LINGO2: variants seen among roughly 807,000 people sequenced by gnomAD.
LINGO2 encodes the protein leucine-rich repeat and immunoglobulin-like domain-containing nogo receptor-interacting protein 2.
LINGO2 carries 14 observed loss-of-function variants against 30.6 expected under a neutral mutation model. The ratio of observed to expected loss-of-function variants is 0.46; its 90% CI spans 0.30 to 0.72. LINGO2 has a LOEUF of 0.72. Ranked by LOEUF, LINGO2 falls within the 30% of genes least tolerant of loss-of-function variation. The probability of loss-of-function intolerance (pLI) is 0.07; values close to 1 mark genes in which losing one functional copy is unlikely to be tolerated. For synonymous variants in LINGO2, 317 were observed against 288.5 expected (o/e 1.10, Z -1.00); for missense variants, 729 against 751.7 (o/e 0.97, Z 0.35).
At chr9:28,637,729 A>G (rs1007419806) in intron 1 of LINGO2, among the ~76,000 whole-genome samples, 19 of 152,186 alleles carry the variant, frequency 1.2e-4, no homozygotes, top group African/African-American at 4.3e-4. Context: ...GGGCTGAGAC[A>G]ATGGGGTTTT....
exon 6 of LINGO2, chr9:27,950,466 A>T: frequency 6.2e-7 from 1 of 1,608,430 alleles, no homozygotes. Context: ...GACGCTTTTT[A>T]GCCTGTTTTT....
chr9:28,472,236 G>A (rs533865571), intron 2 of LINGO2, among the ~76,000 whole-genome samples: 2 of 151,770 alleles, frequency 1.3e-5, no homozygotes, highest in Admixed American at 1.3e-4. Flanking sequence ...ATGATACATG[G>A]TTATTTTATA....
chr9:29,021,681 AAAGGAAGGAAGGAAGGAAGGAAGG>A, the LINGO2 span, among the ~76,000 whole-genome samples: 73 of 93,674 alleles, frequency 7.8e-4, no homozygotes, highest in African/African-American at 2.1e-3. Context: ...GAAAGAAAAG[AAAGGAAGGAAGGAAGGAAGGAAGG>A]AAGGAAGGAA....
the LINGO2 span, among the ~76,000 whole-genome samples, chr9:29,177,922 A>G: frequency 2.0e-5 from 3 of 152,114 alleles, no homozygotes; most frequent in Admixed American, 6.6e-5. Context: ...ATCCTTTTCT[A>G]AACAGTTTAC....
At chr9:28,577,916 C>CTTTT (rs34002528) in intron 1 of LINGO2, among the ~76,000 whole-genome samples, 1 of 152,126 alleles carries the variant, frequency 6.6e-6, no homozygotes, top group South Asian at 2.1e-4. Context: ...GAAATGGAAG[C>CTTTT]TTTTTCTGAA....
At chr9:27,969,963 A>G (rs566694641) in intron 5 of LINGO2, among the ~76,000 whole-genome samples, 1 of 152,334 alleles carries the variant, frequency 6.6e-6, no homozygotes, top group East Asian at 1.9e-4. Flanking sequence ...CATTTTGTAA[A>G]TGAAACAAGC....
intron 5 of LINGO2, among the ~76,000 whole-genome samples, chr9:27,975,453 T>C (rs1369912754): frequency 6.6e-6 from 1 of 152,096 alleles, no homozygotes; most frequent in African/African-American, 2.4e-5. Flanking sequence ...TTCCATGATG[T>C]AAATATTTTC....
intron 2 of LINGO2, among the ~76,000 whole-genome samples, chr9:28,436,781 T>C (rs1823959543): frequency 6.6e-6 from 1 of 152,016 alleles, no homozygotes. Context: ...TAAAAGCGTG[T>C]CGGGGTATAG....
intron 4 of LINGO2, among the ~76,000 whole-genome samples, chr9:28,237,155 G>GT (rs139511360): frequency 1.3e-5 from 2 of 149,850 alleles, no homozygotes; most frequent in Non-Finnish European, 3.0e-5. Context: ...TTTTTATTAG[G>GT]TTTTTTTTGC....
At chr9:28,137,127 C>G (rs1029924671) in intron 4 of LINGO2, among the ~76,000 whole-genome samples, 3 of 151,532 alleles carry the variant, frequency 2.0e-5, no homozygotes, top group Admixed American at 1.3e-4. Context: ...ACATCTCAGC[C>G]TTTATAATCT....
At chr9:28,034,153 G>A (rs1823817808) in intron 4 of LINGO2, among the ~76,000 whole-genome samples, 1 of 152,096 alleles carries the variant, frequency 6.6e-6, no homozygotes, top group Non-Finnish European at 1.5e-5. Flanking sequence ...GTTTCCTGGG[G>A]CCAGGGCTTG....
In LINGO2 at chr9:28,590,456, A is replaced by C. The variant is rs184777729; in HGVS notation, c.-365+79744T>G. 2.8e-3 allele frequency among the ~76,000 whole-genome samples: 420 copies of C among 151,632 alleles called. 3 individuals are homozygous for C. Among genetic ancestry groups the C allele is most frequent in the African/African-American group, 9.3e-3 (385 of 41,396 alleles). On this transcript the variant is annotated intron_variant, in intron 1 of 5. Coordinates refer to ENST00000379992, the Ensembl canonical transcript of LINGO2. The stretch of plus-strand genomic sequence containing the variant: ...TCTACAATGAACTCAAACAAATTTA[A>C]AAGAAAAAAAAACAGACAACCCCAT...
chr9:28,104,255 G>GTTTTTT lies in LINGO2; in HGVS notation c.-86-91856_-86-91851dup, dbSNP rs1453019033. On this transcript the variant is annotated intron_variant, in intron 4 of 5. Transcript: ENST00000379992. Reference sequence around the variant, plus strand: ...AGGGATTTGCTTTTCCCCAGTACAAGTTTTTTGTTTGTTTTTTTTTTTTTT... The same window carrying GTTTTTT: ...AGGGATTTGCTTTTCCCCAGTACAAGTTTTTTTTTTTTGTTTGTTTTTTTTTTTTTT... 4.2e-3 allele frequency among the ~76,000 whole-genome samples: 315 copies of GTTTTTT among 75,036 alleles called. 21 individuals carry two copies. The highest frequency in any genetic ancestry group is 0.02 in the Middle Eastern group (2 of 100). 49.2% of individuals were successfully genotyped at this position (75,036 alleles called of 152,430 possible). A position where few individuals can be genotyped will look rare whatever the true frequency, so the allele number is the denominator to read the frequency against.
At chr9:28,651,473 C>T (rs995169706) in intron 1 of LINGO2, among the ~76,000 whole-genome samples, 9 of 152,148 alleles carry the variant, frequency 5.9e-5, no homozygotes, top group Middle Eastern at 3.4e-3. Flanking sequence ...ACACTGCTCC[C>T]CAATGCAAGA....
the LINGO2 span, among the ~76,000 whole-genome samples, chr9:29,212,780 C>T: frequency 1.4e-4 from 21 of 152,332 alleles, no homozygotes; most frequent in Admixed American, 1.4e-3. Context: ...CGGCTACTCC[C>T]TGACTTGCCA....
intron 2 of LINGO2, among the ~76,000 whole-genome samples, chr9:28,422,727 T>C (rs1253241777): frequency 6.6e-6 from 1 of 152,092 alleles, no homozygotes; most frequent in Non-Finnish European, 1.5e-5. Context: ...ATATCTATGT[T>C]TATAGCAGTA....
the LINGO2 span, chr9:28,888,745 AT>A: frequency 2.3e-6 from 1 of 428,656 alleles, no homozygotes; most frequent in Non-Finnish European, 4.8e-6. Flanking sequence ...TAACTGAATT[AT>A]TTTGCATTTT....
chr9:28,872,602 G>C, the LINGO2 span, among the ~76,000 whole-genome samples: 2 of 152,218 alleles, frequency 1.3e-5, no homozygotes, highest in East Asian at 3.9e-4. Context: ...ATGCTTCCAA[G>C]GGGATATGCA....
the LINGO2 span, among the ~76,000 whole-genome samples, chr9:29,138,147 A>T: frequency 2.6e-5 from 4 of 152,042 alleles, no homozygotes; most frequent in African/African-American, 9.7e-5. Context: ...ATCAAACAGT[A>T]CTATATGAAA....
Sources: allele counts gnomAD v4.1 joint callset (sites outside exome capture counted in the v4.1 genomes callset), GRCh38; gene constraint gnomAD v4.1.1; transcripts MANE v1.5; gene names NCBI Gene and HGNC (gene_info 2026-07-23, HGNC 2026-07-21).